Variants in DSCAM observed in about 807,000 individuals in gnomAD.
The protein encoded by DSCAM is DS cell adhesion molecule.
DSCAM carries 47 observed loss-of-function variants against 217.7 expected under a neutral mutation model. The ratio of observed to expected loss-of-function variants is 0.22; its 90% CI spans 0.17 to 0.28. The LOEUF is 0.28. DSCAM is among the 10% of genes least tolerant of loss of function. The probability of loss-of-function intolerance (pLI) is 1.00; values close to 1 mark genes in which losing one functional copy is unlikely to be tolerated. For missense variants in DSCAM, 2,080 were observed against 2,618.3 expected (o/e 0.79, Z 4.49); for synonymous variants, 1,056 against 1,015.3 (o/e 1.04, Z -0.76).
At chr21:40,152,138 A>AAC (rs1568970005) in intron 16 of DSCAM, among the ~76,000 whole-genome samples, 6 of 151,860 alleles carry the variant, frequency 4.0e-5, no homozygotes, top group Non-Finnish European at 7.4e-5. Context: ...CACAAAAAAA[A>AAC]CAAAAAACTA....
At chr21:40,645,465 T>C (rs1035717038) in intron 3 of DSCAM, among the ~76,000 whole-genome samples, 2 of 152,204 alleles carry the variant, frequency 1.3e-5, no homozygotes, top group African/African-American at 2.4e-5. Flanking sequence ...ATAGTGAAAA[T>C]TGGAACTGAT....
chr21:40,573,200 C>T (rs1032255926), intron 3 of DSCAM, among the ~76,000 whole-genome samples: 3 of 152,068 alleles, frequency 2.0e-5, no homozygotes, highest in East Asian at 1.9e-4. Flanking sequence ...TAGCCGGGCG[C>T]GGTGGCGGGT....
chr21:40,305,799 A>G (rs2074067183), intron 9 of DSCAM, among the ~76,000 whole-genome samples: 1 of 152,128 alleles, frequency 6.6e-6, no homozygotes, highest in African/African-American at 2.4e-5. Flanking sequence ...CCATTGGTCT[A>G]TATCTCTGTT....
At chr21:40,738,059 G>C (rs1221767750) in intron 1 of DSCAM, among the ~76,000 whole-genome samples, 2 of 152,186 alleles carry the variant, frequency 1.3e-5, no homozygotes, top group African/African-American at 2.4e-5. Flanking sequence ...TTTCATTCAT[G>C]TGAAATGCAT....
At chr21:40,369,075 G>C (rs1230843095) in intron 4 of DSCAM, 24 bp downstream of exon 4, 3 of 1,588,150 alleles carry the variant, frequency 1.9e-6, no homozygotes, top group Non-Finnish European at 2.6e-6. Flanking sequence ...AGACATAGCA[G>C]ACAGAGTCTT....
chr21:40,636,892 A>G (rs1040514055), intron 3 of DSCAM, among the ~76,000 whole-genome samples: 1 of 150,194 alleles, frequency 6.7e-6, no homozygotes, highest in African/African-American at 2.5e-5. Context: ...AAGGTTCATC[A>G]GGAATGGCTG....
intron 3 of DSCAM, among the ~76,000 whole-genome samples, chr21:40,619,843 GAA>G (rs35632591): frequency 1.1e-4 from 14 of 129,790 alleles, no homozygotes; most frequent in Non-Finnish European, 1.2e-4. Flanking sequence ...AGCATGTAAA[GAA>G]AAAAAAAAAA....
intron 3 of DSCAM, among the ~76,000 whole-genome samples, chr21:40,573,739 A>G (rs763226304): frequency 2.0e-5 from 3 of 152,170 alleles, no homozygotes; most frequent in Non-Finnish European, 4.4e-5. Flanking sequence ...TAAAATTGGT[A>G]TACTTCTAGA....
At chr21:40,292,166 A>G (rs1057042795) in intron 10 of DSCAM, among the ~76,000 whole-genome samples, 1 of 150,264 alleles carries the variant, frequency 6.7e-6, no homozygotes, top group African/African-American at 2.4e-5. Flanking sequence ...ATCTAGACCC[A>G]AGGTCAAAAA....
intron 10 of DSCAM, among the ~76,000 whole-genome samples, chr21:40,294,679 G>A (rs1054942049): frequency 6.6e-6 from 1 of 152,116 alleles, no homozygotes; most frequent in Non-Finnish European, 1.5e-5. Flanking sequence ...TGTTGAAGAA[G>A]GCAAATGTCA....
intron 11 of DSCAM, among the ~76,000 whole-genome samples, chr21:40,203,334 CAG>C (rs1252378111): frequency 1.3e-5 from 2 of 152,206 alleles, no homozygotes; most frequent in Non-Finnish European, 2.9e-5. Context: ...CTTTTATACA[CAG>C]AGTTATTATA....
intron 32 of DSCAM, among the ~76,000 whole-genome samples, chr21:40,039,434 A>T (rs2088701324): frequency 6.6e-6 from 1 of 152,188 alleles, no homozygotes; most frequent in African/African-American, 2.4e-5. Context: ...TAACCAATTT[A>T]ACCAGTTGGT....
intron 3 of DSCAM, among the ~76,000 whole-genome samples, chr21:40,374,894 T>C (rs765905347): frequency 2.0e-4 from 30 of 152,270 alleles, no homozygotes; most frequent in African/African-American, 2.4e-4. Context: ...AGATAAATTT[T>C]TGTGGTTTAA....
intron 3 of DSCAM, among the ~76,000 whole-genome samples, chr21:40,436,311 CCT>C (rs1273810237): frequency 3.3e-5 from 5 of 152,032 alleles, no homozygotes; most frequent in Non-Finnish European, 5.9e-5. Context: ...AAAATTTCCC[CCT>C]GAGATGGTTA....
chr21:40,788,002 G>A (rs1159795735), intron 1 of DSCAM, among the ~76,000 whole-genome samples: 1 of 152,302 alleles, frequency 6.6e-6, no homozygotes, highest in East Asian at 1.9e-4. Flanking sequence ...TTTGCCCCAG[G>A]TTAAGGATGT....
At chr21:40,033,683 G>A (rs1315278192) in intron 32 of DSCAM, among the ~76,000 whole-genome samples, 1 of 151,818 alleles carries the variant, frequency 6.6e-6, no homozygotes, top group Non-Finnish European at 1.5e-5. Context: ...ACAGCTCAAG[G>A]AGGCCTGCCT....
At position 40,142,669 on chromosome 21, in the gene DSCAM, C is replaced by A. The variant is rs770259757; in HGVS notation, c.3295G>T (p.Ala1099Ser). The part of the protein sequence containing the change: ...SYPPENVQAI[A>S]TSPESISISW... Reference sequence around the variant, plus strand: ...ATTGATATGCTTTCTGGTGATGTTGCTATGGCTTGGACATTTTCGGGGGGG... The same window carrying A: ...ATTGATATGCTTTCTGGTGATGTTGATATGGCTTGGACATTTTCGGGGGGG... Residue 1099 changes from alanine (A) to serine (S), a missense_variant, in exon 18 of 33, where the codon GCA (alanine) becomes TCA (serine). Physicochemically the swap from Ala to Ser is moderately conservative, Grantham distance 99. Around this residue, in one of 5 missense-constraint regions of DSCAM, gnomAD observed 1,144 missense variants for 1,421.1 expected, o/e 0.81. Coordinates refer to ENST00000400454, the MANE Select transcript of DSCAM (RefSeq NM_001389.5). The A allele has an allele frequency of 6.2e-7, 1 of 1,614,092 alleles. No individual in the cohort carries two copies. The highest frequency in any genetic ancestry group is 8.5e-7 in the Non-Finnish European group (1 of 1,180,016).
At chr21:40,686,113 C>A (rs1378122577) in intron 3 of DSCAM, among the ~76,000 whole-genome samples, 1 of 147,572 alleles carries the variant, frequency 6.8e-6, no homozygotes, top group Non-Finnish European at 1.5e-5. Context: ...CACACATACA[C>A]AACACACAGA....
At chr21:40,430,838 G>A (rs193284458) in intron 3 of DSCAM, among the ~76,000 whole-genome samples, 91 of 152,278 alleles carry the variant, frequency 6.0e-4, no homozygotes, top group African/African-American at 2.1e-3. Flanking sequence ...CGTGTGCGAC[G>A]CACTTGAGGC....
Sources: gnomAD v4.1 joint callset for allele counts (sites outside exome capture counted in the v4.1 genomes callset) on GRCh38, gnomAD v4.1.1 for gene constraint, gnomAD v4.1.1 regional missense constraint, MANE v1.5 for transcripts, NCBI Gene and HGNC (gene_info 2026-07-23, HGNC 2026-07-21) for gene names.